The following BBS9 variants were observed in gnomAD, a reference collection of about 807,000 sequenced individuals.
BBS9 encodes Bardet-Biedl syndrome 9.
BBS9 carries 89 observed loss-of-function variants against 117.7 expected under a neutral mutation model. That is an observed-to-expected ratio of 0.76 (90% CI 0.64 to 0.90). The LOEUF is 0.90. Among genes scored for constraint, BBS9 ranks in the 40% least tolerant of loss-of-function variants. BBS9 has a pLI of 0.00. For missense variants in BBS9, 982 were observed against 1,042.2 expected, an observed-to-expected ratio of 0.94 and a Z score of 0.80; for synonymous variants, 379 against 370.9, an observed-to-expected ratio of 1.02 and a Z score of -0.25.
At chr7:33,221,721 A>G (rs1179312300) in intron 5 of BBS9, among the ~76,000 whole-genome samples, 1 of 152,206 alleles carries the variant, frequency 6.6e-6, no homozygotes, top group Non-Finnish European at 1.5e-5. Context: ...TAAACTGTTT[A>G]AAAAATTTTC....
At chr7:33,157,565 C>A (rs1389082936) in intron 4 of BBS9, 2 of 152,102 alleles carry the variant, frequency 1.3e-5, no homozygotes, top group African/African-American at 4.8e-5. Context: ...TGTTTTTGTT[C>A]TCTTGAATAT....
At chr7:33,487,774 T>A (rs1266120878) in intron 19 of BBS9, among the ~76,000 whole-genome samples, 2 of 152,136 alleles carry the variant, frequency 1.3e-5, no homozygotes, top group East Asian at 3.9e-4. Flanking sequence ...ACTGTGTTGT[T>A]CTCAGCCATC....
chr7:33,311,961 A>G (rs919189120), intron 9 of BBS9, among the ~76,000 whole-genome samples: 1 of 152,242 alleles, frequency 6.6e-6, no homozygotes, highest in African/African-American at 2.4e-5. Context: ...TATTAAAAGC[A>G]ATTTTAATTT....
At chr7:33,314,989 G>A (rs563011095) in intron 9 of BBS9, among the ~76,000 whole-genome samples, 60 of 152,300 alleles carry the variant, frequency 3.9e-4, no homozygotes, top group Admixed American at 8.5e-4. Flanking sequence ...CATCACAAAT[G>A]TAGTAGCTTA....
chr7:33,444,298 C>T lies in BBS9; in HGVS notation c.2115+56154C>T, dbSNP rs970193216. Among the ~76,000 whole-genome samples the T allele has an allele frequency of 3.9e-5, 6 of 152,056 alleles. No individual in the cohort carries two copies. In the South Asian group the frequency reaches 8.3e-4, roughly 21 times the overall value. On this transcript the variant is annotated intron_variant, in intron 19 of 22. Coordinates refer to ENST00000242067, the MANE Select transcript of BBS9 (RefSeq NM_198428.3). ...TTTCTTTATTGTCAGTTTTGAAGAA[C>T]GGTAACTCTATTAGGGAGATAAAAA...
chr7:33,266,793 A>G (rs147738588), intron 7 of BBS9, among the ~76,000 whole-genome samples: 1,638 of 151,894 alleles, frequency 0.011, 26 homozygotes, highest in African/African-American at 0.038. Flanking sequence ...CCCAGGCTGG[A>G]GTGTAGTGGC....
intron 5 of BBS9, among the ~76,000 whole-genome samples, chr7:33,207,803 T>C (rs980167506): frequency 6.7e-5 from 10 of 150,304 alleles, no homozygotes; most frequent in African/African-American, 2.4e-4. Flanking sequence ...TACACTTACA[T>C]ATAGATATAA....
intron 21 of BBS9, among the ~76,000 whole-genome samples, chr7:33,587,371 A>C (rs1861083678): frequency 6.6e-6 from 1 of 151,792 alleles, no homozygotes; most frequent in South Asian, 2.1e-4. Context: ...CCTTTCCTTA[A>C]CCAGAGAGAG....
At chr7:33,464,708 ATAT>A (rs1375917920) in intron 19 of BBS9, among the ~76,000 whole-genome samples, 2 of 151,868 alleles carry the variant, frequency 1.3e-5, no homozygotes, top group Non-Finnish European at 2.9e-5. Flanking sequence ...TTAATATTTG[ATAT>A]TATAAAGCAC....
chr7:33,363,023 T>C (rs1268289110), intron 16 of BBS9, among the ~76,000 whole-genome samples: 1 of 152,190 alleles, frequency 6.6e-6, no homozygotes, highest in East Asian at 1.9e-4. Context: ...TTGTCAGATA[T>C]ATCCCTATTT....
At chr7:33,613,337 G>A (rs987972542) in intron 21 of BBS9, among the ~76,000 whole-genome samples, 1 of 152,024 alleles carries the variant, frequency 6.6e-6, no homozygotes, top group Non-Finnish European at 1.5e-5. Context: ...AAGAGCAATT[G>A]TGAATTCTCC....
chr7:33,295,944 A>G (rs535357134), intron 9 of BBS9, among the ~76,000 whole-genome samples: 13 of 152,244 alleles, frequency 8.5e-5, no homozygotes, highest in African/African-American at 2.6e-4. Context: ...GGTGGAATAT[A>G]TAAAATGGGT....
intron 18 of BBS9, among the ~76,000 whole-genome samples, chr7:33,386,022 C>A (rs1033682512): frequency 3.3e-5 from 5 of 151,898 alleles, no homozygotes; most frequent in African/African-American, 4.8e-5. Context: ...AGGAGATATA[C>A]CTAACGTAAA....
chr7:33,191,124 G>A (rs1784048873), intron 5 of BBS9, among the ~76,000 whole-genome samples: 1 of 152,156 alleles, frequency 6.6e-6, no homozygotes, highest in Non-Finnish European at 1.5e-5. Context: ...GTGGGGCTTA[G>A]GTGTCCAGGT....
In BBS9 at chr7:33,233,079, T is replaced by C. The variant is rs868458625; in HGVS notation, c.443-24157T>C. Among the ~76,000 whole-genome samples, 7 of 152,150 alleles carry C rather than the reference T, an allele frequency of 4.6e-5. No individual in the cohort carries two copies. In the South Asian group the frequency reaches 1.0e-3, roughly 23 times the overall value. Reference sequence around the variant, plus strand: ...ATTAGAAATTTCTCAGAATGATGCATGCTATCTATTGAAGAAATAGGGGGG... The same window carrying C: ...ATTAGAAATTTCTCAGAATGATGCACGCTATCTATTGAAGAAATAGGGGGG... On this transcript the variant is annotated intron_variant, in intron 5 of 22. Coordinates refer to ENST00000242067, the MANE Select transcript of BBS9 (RefSeq NM_198428.3).
intron 7 of BBS9, among the ~76,000 whole-genome samples, chr7:33,269,978 G>C (rs1426836183): frequency 2.7e-5 from 4 of 146,472 alleles, no homozygotes; most frequent in Non-Finnish European, 4.5e-5. Flanking sequence ...AGCTGAGATA[G>C]CTTCACTGCA....
At chr7:33,485,120 G>A (rs188084624) in intron 19 of BBS9, among the ~76,000 whole-genome samples, 360 of 152,104 alleles carry the variant, frequency 2.4e-3, no homozygotes, top group African/African-American at 8.3e-3. Flanking sequence ...ATTGTTGGGG[G>A]GCAACACACA....
rs113712363 is a variant in BBS9, at chr7:33,464,803, C to T, written c.2116-40660C>T. 4.5e-3 allele frequency among the ~76,000 whole-genome samples: 682 copies of T among 151,846 alleles called. 7 individuals carry two copies. The highest frequency in any genetic ancestry group is 0.039 in the South Asian group (186 of 4,808). ...ATGAACATTTTACAGATGAGGAAAT[C>T]GAGACTTAGAAACACTTCCTTTTAA... is the stretch of plus-strand genomic sequence containing the variant. On this transcript the variant is annotated intron_variant, in intron 19 of 22. Coordinates refer to ENST00000242067, the MANE Select transcript of BBS9 (RefSeq NM_198428.3).
chr7:33,497,158 A>G (rs1470783112), intron 19 of BBS9, among the ~76,000 whole-genome samples: 2 of 152,172 alleles, frequency 1.3e-5, no homozygotes, highest in African/African-American at 2.4e-5. Flanking sequence ...TTTGGTGTTT[A>G]GGAAGCTCTG....
Sources: allele counts gnomAD v4.1 joint callset (sites outside exome capture counted in the v4.1 genomes callset), GRCh38; gene constraint gnomAD v4.1.1; transcripts MANE v1.5; gene names NCBI Gene and HGNC (gene_info 2026-07-23, HGNC 2026-07-21).